PPP3CA: variants seen among roughly 807,000 people sequenced by gnomAD.
PPP3CA encodes the protein protein phosphatase 3 catalytic subunit alpha.
Under a neutral mutation model 66.5 loss-of-function variants are expected in PPP3CA, and 14 were observed. That is an observed-to-expected ratio of 0.21 (90% CI 0.14 to 0.33). PPP3CA has a LOEUF of 0.33. Ranked by LOEUF, PPP3CA falls within the 10% of genes least tolerant of loss-of-function variation. The probability of loss-of-function intolerance (pLI) is 1.00; values close to 1 mark genes in which losing one functional copy is unlikely to be tolerated. For missense variants in PPP3CA, 317 were observed against 639.5 expected (o/e 0.50, Z 5.44); for synonymous variants, 232 against 226.2 (o/e 1.03, Z -0.23).
rs1560604924 is a variant in PPP3CA at position 101,106,436 on chromosome 4, AGAAAGAAAGAAAGAAAG to A, written c.384+2501_384+2517del. Among the ~76,000 whole-genome samples, 25 of 13,864 alleles carry A rather than the reference AGAAAGAAAGAAAGAAAG, an allele frequency of 1.8e-3. 7 individuals carry two copies. The South Asian group carries it at 0.044, about 24-fold the overall frequency. The allele number at this position is 13,864 out of a possible 152,430, so 9.1% of individuals were successfully genotyped here. On this transcript the variant is annotated intron_variant, in intron 3 of 13. Transcript: ENST00000394854. Reference sequence around the variant, plus strand: ...AAGAAAGAAAGAAAGAAAGAAAGAAAGAAAGAAAGAAAGAAAGAGAAAAGAAAAGAAAAGAAAAGAAA... The same window carrying A: ...AAGAAAGAAAGAAAGAAAGAAAGAAAAGAAAAGAAAAGAAAAGAAAAGAAA...
chr4:101,305,255 C>T (rs1405039420), intron 1 of PPP3CA, among the ~76,000 whole-genome samples: 2 of 152,232 alleles, frequency 1.3e-5, no homozygotes, highest in Admixed American at 1.3e-4. Flanking sequence ...TTTCTTTTTG[C>T]TCATGTGAAT....
chr4:101,274,290 C>T (rs71614686), intron 1 of PPP3CA, among the ~76,000 whole-genome samples: 7,647 of 152,060 alleles, frequency 0.05, 278 homozygotes, highest in Non-Finnish European at 0.078. Context: ...CCAGCCTAGG[C>T]GACAGAGCAA....
intron 1 of PPP3CA, among the ~76,000 whole-genome samples, chr4:101,311,431 C>G (rs1024667532): frequency 6.6e-6 from 1 of 152,126 alleles, no homozygotes; most frequent in Admixed American, 6.6e-5. Context: ...GTTAGGTGTT[C>G]TGGCCCCTAA....
intron 2 of PPP3CA, among the ~76,000 whole-genome samples, chr4:101,117,447 T>TTTC (rs1721876620): frequency 1.3e-5 from 2 of 151,840 alleles, no homozygotes; most frequent in Non-Finnish European, 2.9e-5. Flanking sequence ...CTGAGATTTT[T>TTTC]TTTTGCAGTT....
chr4:101,293,392 A>C lies in PPP3CA; in HGVS notation c.58+53347T>G, dbSNP rs57853438. 1.5e-3 allele frequency among the ~76,000 whole-genome samples: 234 copies of C among 152,320 alleles called. 1 individual carries two copies. The highest frequency in any genetic ancestry group is 5.1e-3 in the African/African-American group (211 of 41,572). On this transcript the variant is annotated intron_variant, in intron 1 of 13. Transcript: ENST00000394854. Reference sequence around the variant, plus strand: ...CACGCTCAGGAACTCTTGATTCTTCAGACTTTAAAGGAATACCAACCAGCC... The same window carrying C: ...CACGCTCAGGAACTCTTGATTCTTCCGACTTTAAAGGAATACCAACCAGCC...
chr4:101,346,326 C>T (rs916042560), intron 1 of PPP3CA, among the ~76,000 whole-genome samples: 1 of 152,164 alleles, frequency 6.6e-6, no homozygotes, highest in Non-Finnish European at 1.5e-5. Context: ...ATCAATCACC[C>T]CTCCCTCTGC....
At chr4:101,162,674 T>C (rs1486532231) in intron 2 of PPP3CA, among the ~76,000 whole-genome samples, 1 of 152,148 alleles carries the variant, frequency 6.6e-6, no homozygotes, top group African/African-American at 2.4e-5. Flanking sequence ...TCTTAGTTGA[T>C]CCACTCAAAG....
chr4:101,250,338 G>T, intron 1 of PPP3CA: 2 of 456,290 alleles, frequency 4.4e-6, no homozygotes, highest in Non-Finnish European at 8.8e-6. Flanking sequence ...ACCTGTGGCT[G>T]TATCTTTCAT....
intron 1 of PPP3CA, among the ~76,000 whole-genome samples, chr4:101,238,502 T>C (rs566824107): frequency 6.6e-6 from 1 of 151,936 alleles, no homozygotes; most frequent in East Asian, 1.9e-4. Flanking sequence ...AAAAATGGAA[T>C]AGATGAAAAA....
In PPP3CA at chr4:101,158,618, T is replaced by C. The variant is rs114267944; in HGVS notation, c.259+37298A>G. On this transcript the variant is annotated intron_variant, in intron 2 of 13. Coordinates refer to ENST00000394854, the MANE Select transcript of PPP3CA (RefSeq NM_000944.5). ...GGTGCCACACGGCAGGTCTAGGTTTTTGGGGCCTCAGTGACCTCAACTGTG... is the reference window on the plus strand; with the variant it reads ...GGTGCCACACGGCAGGTCTAGGTTTCTGGGGCCTCAGTGACCTCAACTGTG... 6.6e-3 allele frequency among the ~76,000 whole-genome samples: 1,002 copies of C among 152,276 alleles called. 12 individuals carry two copies. Among genetic ancestry groups the C allele is most frequent in the African/African-American group, 0.023 (940 of 41,552 alleles).
intron 1 of PPP3CA, among the ~76,000 whole-genome samples, chr4:101,219,468 C>G (rs1374560010): frequency 6.6e-6 from 1 of 151,902 alleles, no homozygotes; most frequent in East Asian, 1.9e-4. Context: ...TTAAAAATAA[C>G]TAGATTTTGA....
At chr4:101,298,990 A>G (rs1257105173) in intron 1 of PPP3CA, among the ~76,000 whole-genome samples, 1 of 151,136 alleles carries the variant, frequency 6.6e-6, no homozygotes, top group Non-Finnish European at 1.5e-5. Flanking sequence ...ACAAACCTAG[A>G]TGGTATATAT....
chr4:101,143,079 T>C (rs965676580), intron 2 of PPP3CA, among the ~76,000 whole-genome samples: 1 of 152,184 alleles, frequency 6.6e-6, no homozygotes, highest in Non-Finnish European at 1.5e-5. Context: ...TTTCAGCACA[T>C]AGTTTAATTT....
intron 6 of PPP3CA, among the ~76,000 whole-genome samples, chr4:101,090,154 CT>C (rs1729849258): frequency 6.6e-6 from 1 of 152,130 alleles, no homozygotes; most frequent in Admixed American, 6.6e-5. Context: ...TGCCTTCATA[CT>C]TTCAAGGTGG....
intron 1 of PPP3CA, among the ~76,000 whole-genome samples, chr4:101,276,380 T>C (rs369384607): frequency 6.6e-6 from 1 of 152,208 alleles, no homozygotes; most frequent in Non-Finnish European, 1.5e-5. Context: ...TCTGAAAGCA[T>C]AGGTATCAAC....
At chr4:101,135,727 A>C (rs1722600399) in intron 2 of PPP3CA, among the ~76,000 whole-genome samples, 1 of 152,270 alleles carries the variant, frequency 6.6e-6, no homozygotes, top group African/African-American at 2.4e-5. Flanking sequence ...AATAGCTGGC[A>C]CTGTGATGTA....
chr4:101,177,318 G>A (rs558757129), intron 2 of PPP3CA, among the ~76,000 whole-genome samples: 13 of 152,216 alleles, frequency 8.5e-5, no homozygotes, highest in African/African-American at 3.1e-4. Context: ...AGTAAGAAAT[G>A]CATTCATAGA....
At chr4:101,251,555 G>A (rs1288490136) in intron 1 of PPP3CA, among the ~76,000 whole-genome samples, 1 of 152,108 alleles carries the variant, frequency 6.6e-6, no homozygotes, top group African/African-American at 2.4e-5. Context: ...ATCAAAGACT[G>A]TTCGTTAAAT....
chr4:101,282,902 C>G (rs1247093636), intron 1 of PPP3CA, among the ~76,000 whole-genome samples: 5 of 152,138 alleles, frequency 3.3e-5, no homozygotes, highest in Non-Finnish European at 7.4e-5. Flanking sequence ...AAATAAGCAG[C>G]CATTTTAAGT....
Sources: allele counts gnomAD v4.1 joint callset (sites outside exome capture counted in the v4.1 genomes callset), GRCh38; gene constraint gnomAD v4.1.1; transcripts MANE v1.5; gene names NCBI Gene and HGNC (gene_info 2026-07-23, HGNC 2026-07-21).